Variants in ZNF805 observed in about 807,000 individuals in gnomAD.
ZNF805 encodes zinc finger protein 805, also known as CTC-444N24.8.
In ZNF805, 7 loss-of-function variants were observed where a neutral mutation model predicts 13.6. The observed-to-expected ratio is 0.51, with a 90% CI of 0.29 to 0.97. ZNF805 has a LOEUF of 0.97. Ranked by LOEUF, ZNF805 falls within the 50% of genes least tolerant of loss-of-function variation. The pLI, the probability that ZNF805 is intolerant of heterozygous loss-of-function variation, is 0.08. For synonymous variants in ZNF805, 293 were observed against 279.8 expected, an observed-to-expected ratio of 1.05 and a Z score of -0.47; for missense variants, 604 against 771.0, an observed-to-expected ratio of 0.78 and a Z score of 2.57.
chr19:57,254,817 T>G lies in ZNF805; in HGVS notation c.*114T>G. On this transcript the variant is annotated 3_prime_UTR_variant, in exon 4 of 4. Transcript: ENST00000414468. ...TCATCCTGGAAAAACACCCAGTGGT[T>G]ATTACGCACTTGGGAAAACCTTTAG... is the stretch of plus-strand genomic sequence containing the variant. 1 of 1,103,406 alleles carries G rather than the reference T, an allele frequency of 9.1e-7. No individual in the cohort carries two copies. The highest frequency in any genetic ancestry group is 1.7e-5 in the South Asian group (1 of 59,710). The allele number at this position is 1,103,406 out of a possible 1,614,324, so 68.4% of individuals were successfully genotyped here.
In ZNF805 at chr19:57,253,641, T is replaced by C; in HGVS notation, c.822T>C (p.Leu274=). 1 of 1,611,350 alleles carries C rather than the reference T, an allele frequency of 6.2e-7. No individual in the cohort carries two copies. The change falls in exon 4 of 4, where the codon CTT becomes CTC. Residue 274 remains leucine, a synonymous_variant. Transcript: ENST00000414468. The surrounding 1 kb of genome is among the most constrained non-coding windows in gnomAD (Gnocchi z 4.4). ...CGKAFNRKSH[L]TQHQRIHSGE... ...AGGCTTTTAATCGGAAGTCACACCTTACCCAGCACCAGCGGATTCACAGTG... is the reference window on the plus strand; with the variant it reads ...AGGCTTTTAATCGGAAGTCACACCTCACCCAGCACCAGCGGATTCACAGTG...
In ZNF805 at chr19:57,254,653, G is replaced by C. The variant is rs767867920; in HGVS notation, c.1834G>C (p.Ala612Pro). Residue 612 changes from alanine (A) to proline (P), a missense_variant, in exon 4 of 4, where the codon GCA (alanine) becomes CCA (proline). Transcript: ENST00000414468. Reference sequence around the variant, plus strand: ...TTTGCAAGAGGAAGCATCTTACATGGCATCTGATCGTACATACCAAAGAGA... The same window carrying C: ...TTTGCAAGAGGAAGCATCTTACATGCCATCTGATCGTACATACCAAAGAGA... ...NLLQEEASYM[A>P]SDRTYQRETP... is the part of the protein sequence containing the mutation. The C allele has an allele frequency of 6.8e-6, 11 of 1,614,046 alleles. No homozygotes were observed. The South Asian group carries it at 1.2e-4, about 18-fold the overall frequency.
rs184016941 is a variant in ZNF805, at chr19:57,262,602, T to C, written c.*7899T>C. On this transcript the variant is annotated 3_prime_UTR_variant, in exon 4 of 4. Transcript: ENST00000414468. ...ACGTATGTCAGTTTCTCATCCACTC[T>C]TTGTTCTTGCTATTGAAAGTTGTAG... 2.8e-4 allele frequency: 46 copies of C among 167,226 alleles called. 1 individual carries two copies. In the East Asian group the frequency reaches 8.3e-3, roughly 30 times the overall value. 10.4% of individuals were successfully genotyped at this position (167,226 alleles called of 1,614,324 possible).
At position 57,261,710 on chromosome 19, in the gene ZNF805, TAATA is replaced by T. The variant is rs1388937961; in HGVS notation, c.*7011_*7014del. ...CCTACGTACACAATTTTAGAAATCA[TAATA>T]AATGAATGCTGGAGTCCTCAAGACC... On this transcript the variant is annotated 3_prime_UTR_variant, in exon 4 of 4. Coordinates refer to ENST00000414468, the MANE Select transcript of ZNF805 (RefSeq NM_001023563.4). 6 of 167,106 alleles carry T rather than the reference TAATA, an allele frequency of 3.6e-5. No individual in the cohort carries two copies. The highest frequency in any genetic ancestry group is 4.1e-4 in the South Asian group (2 of 4,830). 10.4% of individuals were successfully genotyped at this position (167,106 alleles called of 1,614,324 possible). A position where few individuals can be genotyped will look rare whatever the true frequency, so the allele number is the denominator to read the frequency against.
intron 2 of ZNF805, among the ~76,000 whole-genome samples, chr19:57,245,576 GA>G (rs2087609400): frequency 6.7e-6 from 1 of 149,308 alleles, no homozygotes; most frequent in Non-Finnish European, 1.5e-5. Flanking sequence ...TCAGGAGATA[GA>G]GACCATCCTG....
rs1445486358 is a variant in ZNF805 at position 57,255,336 on chromosome 19, T to A, written c.*633T>A. On this transcript the variant is annotated 3_prime_UTR_variant, in exon 4 of 4. Coordinates refer to ENST00000414468, the MANE Select transcript of ZNF805 (RefSeq NM_001023563.4). ...TTACTATTTTTATTTAAAATTCATTTAGCATTCCTAGTTTGACTTTCCATA... is the reference window on the plus strand; with the variant it reads ...TTACTATTTTTATTTAAAATTCATTAAGCATTCCTAGTTTGACTTTCCATA... Among the ~76,000 whole-genome samples, 1 of 152,154 alleles carries A rather than the reference T, an allele frequency of 6.6e-6. No homozygotes were observed. The highest frequency in any genetic ancestry group is 1.5e-5 in the Non-Finnish European group (1 of 67,998).
rs531125421 is a variant in ZNF805, at chr19:57,252,284, A to T, written c.254-789A>T. On this transcript the variant is annotated intron_variant, in intron 3 of 3. Coordinates refer to ENST00000414468, the MANE Select transcript of ZNF805 (RefSeq NM_001023563.4). The stretch of plus-strand genomic sequence containing the variant: ...CAAGATAAGGACACAGTCCTCCAGG[A>T]CTTTGTCAAGTCTACCCAAATCCTC... Among the ~76,000 whole-genome samples the T allele has an allele frequency of 3.3e-5, 5 of 152,324 alleles. No homozygotes were observed. The East Asian group carries it at 9.6e-4, about 29-fold the overall frequency.
intron 2 of ZNF805, 117 bp downstream of exon 2, chr19:57,244,166 A>C: frequency 7.6e-7 from 1 of 1,315,756 alleles, no homozygotes; most frequent in Non-Finnish European, 1.0e-6. Flanking sequence ...CCTTCCCACA[A>C]ATTCAGTCAT....
Position 57,260,391 on chromosome 19 carries a change from C to T in ZNF805, c.*5688C>T, listed in dbSNP as rs1426199429. On this transcript the variant is annotated 3_prime_UTR_variant, in exon 4 of 4. Coordinates refer to ENST00000414468, the MANE Select transcript of ZNF805 (RefSeq NM_001023563.4). ...ACTATTCTGTGCACTGTCGCCACCC[C>T]TTTACATTTCCTTTTACTCCCCAGA... is the stretch of plus-strand genomic sequence containing the variant. 6.6e-6 allele frequency among the ~76,000 whole-genome samples: 1 copy of T among 152,154 alleles called. No homozygotes were observed. Among genetic ancestry groups the T allele is most frequent in the Non-Finnish European group, 1.5e-5 (1 of 68,032 alleles).
rs1213576513 is a variant in ZNF805 at position 57,255,972 on chromosome 19, TTCTC to T, written c.*1271_*1274del. ...ATGTTGAAAGTTGCTTCCAAAGAGT[TTCTC>T]TATCGAGTTTAGAAAGTTTCCCTCT... On this transcript the variant is annotated 3_prime_UTR_variant, in exon 4 of 4. Transcript: ENST00000414468. Among the ~76,000 whole-genome samples the T allele has an allele frequency of 6.6e-6, 1 of 152,156 alleles. No homozygotes were observed. Among genetic ancestry groups the T allele is most frequent in the African/African-American group, 2.4e-5 (1 of 41,458 alleles).
chr19:57,249,952 G>A (rs1158830454), intron 3 of ZNF805, among the ~76,000 whole-genome samples: 55 of 151,596 alleles, frequency 3.6e-4, no homozygotes, highest in Non-Finnish European at 6.0e-4. Context: ...GTTCCAGATT[G>A]TCCCCTCCTC....
intron 3 of ZNF805, 85 bp downstream of exon 3, chr19:57,248,785 C>G: frequency 1.6e-6 from 2 of 1,242,528 alleles, no homozygotes; most frequent in Non-Finnish European, 2.3e-6. Flanking sequence ...TCTTGGGAAG[C>G]TTCTCACTGT....
In ZNF805 at chr19:57,262,583, G is replaced by A. The variant is rs992330130; in HGVS notation, c.*7880G>A. The A allele has an allele frequency of 1.2e-5, 2 of 167,084 alleles. No individual in the cohort carries two copies. The highest frequency in any genetic ancestry group is 4.1e-4 in the South Asian group (2 of 4,832). The allele number at this position is 167,084 out of a possible 1,614,324, so 10.4% of individuals were successfully genotyped here. A position where few individuals can be genotyped will look rare whatever the true frequency, so the allele number is the denominator to read the frequency against. ...GCCGTGTTCTTTCCCTAGCACGTAT[G>A]TCAGTTTCTCATCCACTCTTTGTTC... On this transcript the variant is annotated 3_prime_UTR_variant, in exon 4 of 4. Coordinates refer to ENST00000414468, the MANE Select transcript of ZNF805 (RefSeq NM_001023563.4).
rs2087574911 is a variant in ZNF805, at chr19:57,240,877, C to T, written c.-15C>T. On this transcript the variant is annotated 5_prime_UTR_variant, in exon 1 of 4. Transcript: ENST00000414468. The stretch of plus-strand genomic sequence containing the variant: ...CGCCGCAGCCCCCGCCCCGCTAGGG[C>T]CACAGGGTCCCGGTATGGCGATGGC... 6.4e-7 allele frequency: 1 copy of T among 1,551,500 alleles called. No homozygotes were observed. Among genetic ancestry groups the T allele is most frequent in the Admixed American group, 2.0e-5 (1 of 51,010 alleles).
rs1301833061 is a variant in ZNF805 at position 57,257,557 on chromosome 19, GGTCA to G, written c.*2858_*2861del. Among the ~76,000 whole-genome samples, 1 of 151,530 alleles carries G rather than the reference GGTCA, an allele frequency of 6.6e-6. No individual in the cohort carries two copies. Among genetic ancestry groups the G allele is most frequent in the Non-Finnish European group, 1.5e-5 (1 of 67,900 alleles). On this transcript the variant is annotated 3_prime_UTR_variant, in exon 4 of 4. Coordinates refer to ENST00000414468, the MANE Select transcript of ZNF805 (RefSeq NM_001023563.4). ...ATCAATTTTTATCTGATATTTGTGTGGTCAGTCTTACGTTTTGGTTAATGCTTGC... is the reference window on the plus strand; with the variant it reads ...ATCAATTTTTATCTGATATTTGTGTGGTCTTACGTTTTGGTTAATGCTTGC...
chr19:57,253,858 G>C lies in ZNF805; in HGVS notation c.1039G>C (p.Glu347Gln). ...TGGTGAGAATCCCTACGAGTGCTTC[G>C]AATGTGGCAAGGTCTTCAAACACAG... ...HSGENPYECF[E>Q]CGKVFKHRSY... Residue 347 changes from glutamate to glutamine, a missense_variant, in exon 4 of 4, where the codon GAA (glutamate) becomes CAA (glutamine). Glu to Gln is a conservative substitution (Grantham distance 29). Around this residue, in one of 3 missense-constraint regions of ZNF805, gnomAD observed 228 missense variants for 352.8 expected, o/e 0.65. Coordinates refer to ENST00000414468, the MANE Select transcript of ZNF805 (RefSeq NM_001023563.4). This position sits in a 1 kb window ranked among gnomAD's most constrained non-coding sequence, Gnocchi z 4.4. 6.2e-7 allele frequency: 1 copy of C among 1,614,138 alleles called. No individual in the cohort carries two copies. The highest frequency in any genetic ancestry group is 1.1e-5 in the South Asian group (1 of 91,080).
Position 57,253,687 on chromosome 19 carries a change from A to G in ZNF805, c.868A>G (p.Ser290Gly), listed in dbSNP as rs1483273862. Residue 290 changes from serine to glycine, a missense_variant, in exon 4 of 4, where the codon AGT (serine) becomes GGT (glycine). Coordinates refer to ENST00000414468, the MANE Select transcript of ZNF805 (RefSeq NM_001023563.4). The surrounding 1 kb of genome is among the most constrained non-coding windows in gnomAD (Gnocchi z 4.4). ...CAGTGGAGAGAAGCCTTATAAGTGC[A>G]GTGAATGTGGAAAGGCCTTCACCCA... ...IHSGEKPYKC[S>G]ECGKAFTHRS... 12 of 1,614,018 alleles carry G rather than the reference A, an allele frequency of 7.4e-6. No homozygotes were observed. Among genetic ancestry groups the G allele is most frequent in the Non-Finnish European group, 1.0e-5 (12 of 1,179,988 alleles).
intron 1 of ZNF805, among the ~76,000 whole-genome samples, chr19:57,242,256 C>T (rs2087584163): frequency 6.6e-6 from 1 of 152,344 alleles, no homozygotes; most frequent in African/African-American, 2.4e-5. Flanking sequence ...CTGAGAAGCC[C>T]TGAGGTGAAC....
chr19:57,240,669 T>G lies in ZNF805; in HGVS notation c.-223T>G, dbSNP rs1043442854. The G allele has an allele frequency of 1.9e-6, 1 of 520,058 alleles. No homozygotes were observed. The highest frequency in any genetic ancestry group is 3.4e-6 in the Non-Finnish European group (1 of 291,960). The allele number at this position is 520,058 out of a possible 1,614,324, so 32.2% of individuals were successfully genotyped here. On this transcript the variant is annotated 5_prime_UTR_variant, in exon 1 of 4. Coordinates refer to ENST00000414468, the MANE Select transcript of ZNF805 (RefSeq NM_001023563.4). ...GCCGGCTCTAGGGAGGGGGCGGTGT[T>G]CCGTGGCCGCCTCCCTGGCGGCGCT...
Sources: gnomAD v4.1 joint callset for allele counts (sites outside exome capture counted in the v4.1 genomes callset) on GRCh38, gnomAD v4.1.1 for gene constraint, gnomAD v4.1.1 regional missense constraint, Gnocchi (gnomAD v3.1) non-coding constraint, MANE v1.5 for transcripts, NCBI Gene and HGNC (gene_info 2026-07-23, HGNC 2026-07-21) for gene names.